The following PREP variants were observed in gnomAD, a reference collection of about 807,000 sequenced individuals.
The protein encoded by PREP is prolyl endopeptidase.
In PREP, 29 loss-of-function variants were observed where a neutral mutation model predicts 87.6. The ratio of observed to expected loss-of-function variants is 0.33; its 90% CI spans 0.25 to 0.45. PREP has a LOEUF of 0.45. PREP is among the 20% of genes least tolerant of loss of function. The pLI, the probability that PREP is intolerant of heterozygous loss-of-function variation, is 1.00. For missense variants in PREP, 695 were observed against 886.5 expected, an observed-to-expected ratio of 0.78 and a Z score of 2.74; for synonymous variants, 337 against 328.6, an observed-to-expected ratio of 1.03 and a Z score of -0.28.
intron 9 of PREP, among the ~76,000 whole-genome samples, chr6:105,326,370 G>C (rs6927795): frequency 0.031 from 4,747 of 152,246 alleles, 240 homozygotes; most frequent in African/African-American, 0.099. Flanking sequence ...TGTGCTCTAA[G>C]CTGCTATGGC....
intron 12 of PREP, among the ~76,000 whole-genome samples, chr6:105,282,896 T>C (rs1337022994): frequency 2.0e-5 from 3 of 152,216 alleles, no homozygotes; most frequent in Non-Finnish European, 4.4e-5. Context: ...GATAGAAGCA[T>C]GGCATCACAA....
chr6:105,289,742 C>T (rs1441788821), intron 10 of PREP, among the ~76,000 whole-genome samples: 2 of 152,156 alleles, frequency 1.3e-5, no homozygotes, highest in African/African-American at 2.4e-5. Flanking sequence ...ATAGCTTTCT[C>T]TTTGTGTAAA....
chr6:105,384,128 G>T (rs1772922370), intron 2 of PREP, among the ~76,000 whole-genome samples: 1 of 152,180 alleles, frequency 6.6e-6, no homozygotes, highest in African/African-American at 2.4e-5. Context: ...GTTGGGGAAA[G>T]GGTGTGACCG....
At chr6:105,373,231 C>G (rs1380028301) in intron 5 of PREP, 138 bp downstream of exon 5, 1 of 945,424 alleles carries the variant, frequency 1.1e-6, no homozygotes, top group Non-Finnish European at 1.6e-6. Context: ...CACAGCAAAG[C>G]CAACTGATAC....
intron 2 of PREP, among the ~76,000 whole-genome samples, chr6:105,379,553 G>A (rs183205200): frequency 1.6e-4 from 25 of 152,292 alleles, no homozygotes; most frequent in Admixed American, 4.6e-4. Context: ...AAGTCCCCTG[G>A]TTAAGGTCAT....
At chr6:105,392,265 C>G (rs1159876692) in intron 2 of PREP, among the ~76,000 whole-genome samples, 1 of 152,034 alleles carries the variant, frequency 6.6e-6, no homozygotes, top group Non-Finnish European at 1.5e-5. Flanking sequence ...GTCTCGATCT[C>G]CTGACCTCGT....
intron 11 of PREP, among the ~76,000 whole-genome samples, chr6:105,286,803 T>C (rs1413446233): frequency 7.8e-5 from 1 of 12,894 alleles, no homozygotes; most frequent in African/African-American, 3.2e-4. Context: ...CATGCATCTC[T>C]GATGGTCTCT....
At chr6:105,350,024 C>A (rs1371767513) in intron 7 of PREP, among the ~76,000 whole-genome samples, 2 of 151,576 alleles carry the variant, frequency 1.3e-5, no homozygotes, top group African/African-American at 4.8e-5. Context: ...CCCTCACAGT[C>A]TTCTCTTTTG....
At chr6:105,393,321 C>T (rs1441713179) in intron 2 of PREP, among the ~76,000 whole-genome samples, 6 of 151,892 alleles carry the variant, frequency 4.0e-5, no homozygotes, top group Non-Finnish European at 7.4e-5. Context: ...CAGTGCCTGG[C>T]GTTTAAGGCT....
rs569964238 is a variant in PREP, at chr6:105,355,990, T to C, written c.718-2913A>G. ...ATCTCTAAAAAGTATTTTTTTATGA[T>C]AGCTTTTTATAAGTCCTTATATGTT... On this transcript the variant is annotated intron_variant, in intron 6 of 14. Coordinates refer to ENST00000652536, the MANE Select transcript of PREP (RefSeq NM_002726.5). Among the ~76,000 whole-genome samples, 6 of 152,324 alleles carry C rather than the reference T, an allele frequency of 3.9e-5. No individual in the cohort carries two copies. In the South Asian group the frequency reaches 8.3e-4, roughly 21 times the overall value.
intron 7 of PREP, among the ~76,000 whole-genome samples, chr6:105,342,130 C>A (rs968873109): frequency 6.6e-6 from 1 of 152,170 alleles, no homozygotes; most frequent in African/African-American, 2.4e-5. Context: ...ATGCAAAAAT[C>A]CTCAATGAAA....
At chr6:105,389,730 A>C (rs1395720004) in intron 2 of PREP, among the ~76,000 whole-genome samples, 1 of 152,150 alleles carries the variant, frequency 6.6e-6, no homozygotes, top group African/African-American at 2.4e-5. Context: ...CTGCTTGCCT[A>C]GCTCAGCACC....
chr6:105,296,559 G>A (rs1203244777), intron 10 of PREP, among the ~76,000 whole-genome samples: 1 of 151,946 alleles, frequency 6.6e-6, no homozygotes, highest in East Asian at 1.9e-4. Context: ...TATATTTTAT[G>A]TTTACATATG....
intron 10 of PREP, among the ~76,000 whole-genome samples, chr6:105,313,670 A>C (rs771985158): frequency 3.8e-4 from 58 of 152,190 alleles, no homozygotes; most frequent in Non-Finnish European, 8.4e-4. Flanking sequence ...ACCTGCTTTT[A>C]TGAGTACAGA....
Position 105,278,163 on chromosome 6 carries a change from T to G in PREP, c.2114A>C (p.Asn705Thr). The change falls in exon 15 of 15, where the codon AAC becomes ACC. Residue 705 changes from asparagine (N) to threonine (T), a missense_variant. By Grantham distance (65) the Asn-to-Thr change is moderately conservative. Transcript: ENST00000652536. This position sits in a 1 kb window ranked among gnomAD's most constrained non-coding sequence, Gnocchi z 4.2. Reference protein sequence around the residue: ...DMFAFIARCLNVDWIP With the variant: ...DMFAFIARCLTVDWIP ...AACTGTTTATGGAATCCAGTCGACG[T>G]TCAGGCACCGCGCGATGAACGCAAA... is the stretch of plus-strand genomic sequence containing the variant. 1 of 1,611,610 alleles carries G rather than the reference T, an allele frequency of 6.2e-7. No homozygotes were observed. Among genetic ancestry groups the G allele is most frequent in the Non-Finnish European group, 8.5e-7 (1 of 1,178,056 alleles).
rs1771242797 is a variant in PREP at position 105,328,899 on chromosome 6, G to A, written c.1143C>T (p.Ser381=). The A allele has an allele frequency of 6.2e-7, 1 of 1,614,170 alleles. No homozygotes were observed. Among genetic ancestry groups the A allele is most frequent in the Non-Finnish European group, 8.5e-7 (1 of 1,180,036 alleles). The change falls in exon 9 of 15, where the codon AGC becomes AGT. Residue 381 remains serine, a synonymous_variant. Coordinates refer to ENST00000652536, the MANE Select transcript of PREP (RefSeq NM_002726.5). ...TCTTCTGACCGCTGTACCCTACAATGCTGCCGACATCGAGCGGGAAGGTCT... is the reference window on the plus strand; with the variant it reads ...TCTTCTGACCGCTGTACCCTACAATACTGCCGACATCGAGCGGGAAGGTCT... The part of the protein sequence containing the change: ...LLKTFPLDVG[S]IVGYSGQKKD...
At chr6:105,392,855 G>T (rs868384529) in intron 2 of PREP, among the ~76,000 whole-genome samples, 1 of 152,204 alleles carries the variant, frequency 6.6e-6, no homozygotes, top group Non-Finnish European at 1.5e-5. Context: ...AGGATTACAG[G>T]TGTGAACCAC....
intron 2 of PREP, among the ~76,000 whole-genome samples, chr6:105,390,342 G>A (rs888056180): frequency 7.9e-5 from 12 of 152,150 alleles, no homozygotes; most frequent in East Asian, 5.8e-4. Flanking sequence ...CAGAAGGAAC[G>A]AATATAAATA....
At chr6:105,316,662 G>A (rs1217960377) in intron 10 of PREP, among the ~76,000 whole-genome samples, 1 of 151,992 alleles carries the variant, frequency 6.6e-6, no homozygotes, top group Non-Finnish European at 1.5e-5. Context: ...TAATGGAAAA[G>A]GCAGTAAAAT....
Sources: allele counts gnomAD v4.1 joint callset (sites outside exome capture counted in the v4.1 genomes callset), GRCh38; gene constraint gnomAD v4.1.1; non-coding constraint Gnocchi (gnomAD v3.1); transcripts MANE v1.5; gene names NCBI Gene and HGNC (gene_info 2026-07-23, HGNC 2026-07-21).